The following TBC1D25 variants were observed in gnomAD, a reference collection of about 807,000 sequenced individuals.
TBC1D25 encodes the protein 5SN3 snoRNA.
A neutral mutation model predicts 38.8 loss-of-function variants in TBC1D25; 13 were observed. The observed-to-expected ratio is 0.34, with a 90% CI of 0.22 to 0.53. TBC1D25 has a LOEUF of 0.53. Ranked by LOEUF, TBC1D25 falls within the 20% of genes least tolerant of loss-of-function variation. The pLI is 0.94. For synonymous variants in TBC1D25, 225 were observed against 255.6 expected, an observed-to-expected ratio of 0.88 and a Z score of 1.14; for missense variants, 372 against 600.0, an observed-to-expected ratio of 0.62 and a Z score of 3.97.
At position 48,562,242 on chromosome X, in the gene TBC1D25, C is replaced by T. The variant is rs1248045838; in HGVS notation, c.*1267C>T. The T allele has an allele frequency of 8.9e-6, 1 of 111,783 alleles. No homozygotes were observed. Among genetic ancestry groups the T allele is most frequent in the Non-Finnish European group, 1.9e-5 (1 of 53,164 alleles). The allele number at this position is 111,783 out of a possible 1,213,427, so 9.2% of individuals were successfully genotyped here. A position where few individuals can be genotyped will look rare whatever the true frequency, so the allele number is the denominator to read the frequency against. ...ATGTTCAGGATGGTATGGCTGTAGA[C>T]CAGGCTGGGTTCTGGCCAGAGCTGT... On this transcript the variant is annotated 3_prime_UTR_variant, in exon 6 of 6. Coordinates refer to ENST00000376771, the MANE Select transcript of TBC1D25 (RefSeq NM_002536.4).
At position 48,541,321 on chromosome X, in the gene TBC1D25, T is replaced by A. The variant is rs1417324827; in HGVS notation, c.124-12T>A. 8.3e-7 allele frequency: 1 copy of A among 1,207,574 alleles called. No homozygotes were observed. Among genetic ancestry groups the A allele is most frequent in the Non-Finnish European group, 1.1e-6 (1 of 893,209 alleles). On this transcript the variant is annotated splice_polypyrimidine_tract_variant and intron_variant, in intron 1 of 5. Coordinates refer to ENST00000376771, the MANE Select transcript of TBC1D25 (RefSeq NM_002536.4). The stretch of plus-strand genomic sequence containing the variant: ...GGCCCCTGGTGGCCTACCCCATGTC[T>A]TCTCTCCCCAGAAATGTGAGAGCTT...
intron 3 of TBC1D25, among the ~76,000 whole-genome samples, chrX:48,556,023 A>C (rs2061972003): frequency 9.6e-6 from 1 of 103,685 alleles, no homozygotes; most frequent in South Asian, 4.5e-4. Flanking sequence ...GACAAGCAGG[A>C]GACAGAAGCC....
rs868916348 is a variant in TBC1D25, at chrX:48,559,831, G to A, written c.923G>A (p.Gly308Asp). Reference sequence around the variant, plus strand: ...CCCTACTATGCGGGGCCTGAGGATGGCCCACATCTACGGGCGCTGCACGAC... The same window carrying A: ...CCCTACTATGCGGGGCCTGAGGATGACCCACATCTACGGGCGCTGCACGAC... ...AHPYYAGPED[G>D]PHLRALHDLL... The change falls in exon 6 of 6, where the codon GGC becomes GAC. Residue 308 changes from glycine to aspartate, a missense_variant. This residue lies in a region of TBC1D25 where 312 missense variants were observed against 549.3 expected (regional missense o/e 0.57). Coordinates refer to ENST00000376771, the MANE Select transcript of TBC1D25 (RefSeq NM_002536.4). 5 of 1,211,861 alleles carry A rather than the reference G, an allele frequency of 4.1e-6. No homozygotes were observed. Among genetic ancestry groups the A allele is most frequent in the Non-Finnish European group, 5.6e-6 (5 of 895,568 alleles).
At chrX:48,555,567 G>A in intron 3 of TBC1D25, among the ~76,000 whole-genome samples, 1 of 111,794 alleles carries the variant, frequency 8.9e-6, no homozygotes, top group East Asian at 2.8e-4. Flanking sequence ...TTCTCGTTAG[G>A]TGGAGACGAG....
chrX:48,541,041 G>C (rs782750387), intron 1 of TBC1D25, among the ~76,000 whole-genome samples: 35 of 112,224 alleles, frequency 3.1e-4, no homozygotes, highest in African/African-American at 1.0e-3. Context: ...TTGAAGCAGG[G>C]GAGTGTTGTA....
intron 2 of TBC1D25, among the ~76,000 whole-genome samples, chrX:48,541,770 A>G (rs1012545035): frequency 2.7e-5 from 3 of 111,986 alleles, no homozygotes; most frequent in Non-Finnish European, 5.6e-5. Flanking sequence ...GGATTTTTCA[A>G]CTTTACAATG....
At chrX:48,542,054 C>CG (rs1469997087) in intron 2 of TBC1D25, among the ~76,000 whole-genome samples, 1 of 88,884 alleles carries the variant, frequency 1.1e-5, no homozygotes, top group African/African-American at 4.6e-5. Flanking sequence ...GAGATGGAGT[C>CG]TAACTGTCAC....
At chrX:48,546,535 TA>T (rs782033826) in intron 3 of TBC1D25, among the ~76,000 whole-genome samples, 1 of 110,402 alleles carries the variant, frequency 9.1e-6, no homozygotes, top group Non-Finnish European at 1.9e-5. Context: ...AAATAAAAAA[TA>T]AAAAAAGAGC....
At chrX:48,544,139 G>A (rs1160437737) in intron 2 of TBC1D25, among the ~76,000 whole-genome samples, 8 of 111,589 alleles carry the variant, frequency 7.2e-5, no homozygotes, top group African/African-American at 2.6e-4. Context: ...TGAGCATCAC[G>A]CAACAAACTT....
chrX:48,560,685 C>A lies in TBC1D25; in HGVS notation c.1777C>A (p.Pro593Thr), dbSNP rs1276817931. 1 of 1,210,253 alleles carries A rather than the reference C, an allele frequency of 8.3e-7. No individual in the cohort carries two copies. The highest frequency in any genetic ancestry group is 1.7e-5 in the African/African-American group (1 of 57,287). ...GCAAGAGGTAGGCTCCCCGAAAGAC[C>A]CTGGAAAGTCCCTGCCACCTGTACC... ...LMQEVGSPKD[P>T]GKSLPPVPPM... is the part of the protein sequence containing the mutation. Residue 593 changes from proline (P) to threonine (T), a missense_variant, in exon 6 of 6, where the codon CCT (proline) becomes ACT (threonine). Around this residue, in one of 2 missense-constraint regions of TBC1D25, gnomAD observed 312 missense variants for 549.3 expected, o/e 0.57. Transcript: ENST00000376771.
chrX:48,545,235 T>C (rs2061873876), intron 3 of TBC1D25, among the ~76,000 whole-genome samples: 1 of 111,836 alleles, frequency 8.9e-6, no homozygotes, highest in African/African-American at 3.3e-5. Flanking sequence ...TTAGAACCAT[T>C]GTGAGGGGAA....
chrX:48,554,953 T>A (rs2061964057), intron 3 of TBC1D25, among the ~76,000 whole-genome samples: 1 of 111,746 alleles, frequency 8.9e-6, no homozygotes, highest in Admixed American at 9.6e-5. Context: ...TTGGGAGAGA[T>A]TGGAGAGGAA....
chrX:48,560,260 A>T lies in TBC1D25; in HGVS notation c.1352A>T (p.Gln451Leu). ...GTAGAGCTGGTTGGACCCCCCAGCC[A>T]AGTGGCAGACGCTGGTTTTGGTGGC... Reference protein sequence around the residue: ...HEVELVGPPSQVADAGFGGHR... With the variant: ...HEVELVGPPSLVADAGFGGHR... Residue 451 changes from glutamine to leucine, a missense_variant, in exon 6 of 6, where the codon CAA becomes CTA. Physicochemically the swap from Gln to Leu is moderately radical, Grantham distance 113. Around this residue, in one of 2 missense-constraint regions of TBC1D25, gnomAD observed 312 missense variants for 549.3 expected, o/e 0.57. Transcript: ENST00000376771. The T allele has an allele frequency of 1.3e-5, 16 of 1,211,587 alleles. No individual in the cohort carries two copies. Among genetic ancestry groups the T allele is most frequent in the Non-Finnish European group, 1.8e-5 (16 of 895,430 alleles).
chrX:48,555,335 C>A (rs1428232773), intron 3 of TBC1D25, among the ~76,000 whole-genome samples: 3 of 111,237 alleles, frequency 2.7e-5, no homozygotes, highest in Non-Finnish European at 3.8e-5. Context: ...GGGTTTGTTC[C>A]CCCCCTCAGC....
At chrX:48,543,238 T>TA (rs1214127160) in intron 2 of TBC1D25, among the ~76,000 whole-genome samples, 1 of 109,683 alleles carries the variant, frequency 9.1e-6, no homozygotes, top group African/African-American at 3.3e-5. Flanking sequence ...GTATTTGCTT[T>TA]AAAAAAAATT....
chrX:48,541,558 A>G, intron 2 of TBC1D25, 116 bp downstream of exon 2: 1 of 719,358 alleles, frequency 1.4e-6, no homozygotes. Context: ...TCCCACAGTG[A>G]ACAGCCACGT....
rs375967345 is a variant in TBC1D25, at chrX:48,558,188, G to A, written c.389-709G>A. ...AATATTTTATTTCTAAAGTATGTCT[G>A]GGCTCTGGACTAGGGTGAATGAAGT... On this transcript the variant is annotated intron_variant, in intron 3 of 5. Transcript: ENST00000376771. Among the ~76,000 whole-genome samples, 176 of 110,543 alleles carry A rather than the reference G, an allele frequency of 1.6e-3. 2 individuals are homozygous for A. Among genetic ancestry groups the A allele is most frequent in the African/African-American group, 5.3e-3 (162 of 30,328 alleles).
chrX:48,555,130 G>T (rs1329579708), intron 3 of TBC1D25, among the ~76,000 whole-genome samples: 2 of 111,351 alleles, frequency 1.8e-5, no homozygotes, highest in Non-Finnish European at 3.8e-5. Flanking sequence ...AAGAGAGTGG[G>T]AGGGGGACAA....
chrX:48,541,567 G>A (rs1250831950), intron 2 of TBC1D25, 125 bp downstream of exon 2: 17 of 667,449 alleles, frequency 2.5e-5, no homozygotes, highest in East Asian at 3.2e-5. Context: ...GAACAGCCAC[G>A]TATGCATGTC....
Sources: allele counts gnomAD v4.1 joint callset (sites outside exome capture counted in the v4.1 genomes callset), GRCh38; gene constraint gnomAD v4.1.1; regional missense constraint gnomAD v4.1.1; transcripts MANE v1.5; gene names NCBI Gene and HGNC (gene_info 2026-07-23, HGNC 2026-07-21).